NRXN2: variants seen among roughly 807,000 people sequenced by gnomAD.
NRXN2 encodes neurexin 2.
NRXN2 carries 29 observed loss-of-function variants against 128.8 expected under a neutral mutation model. That is an observed-to-expected ratio of 0.23 (90% confidence interval 0.17 to 0.31). The LOEUF is 0.31. Among genes scored for constraint, NRXN2 ranks in the 10% least tolerant of loss-of-function variants. The pLI is 1.00. For missense variants in NRXN2, 1,881 were observed against 2,452.6 expected (o/e 0.77, Z 4.92); for synonymous variants, 1,098 against 1,075.2 (o/e 1.02, Z -0.41).
In NRXN2 at chr11:64,713,406, C is replaced by G. The variant is rs1191222652; in HGVS notation, c.294G>C (p.Pro98=). ...RLRFTLSCAE[P]ATLQLDTPVA... ...CCGGCGTGTCCAGCTGCAGCGTGGC[C>G]GGCTCGGCGCACGAAAGCGTGAAGC... is the stretch of plus-strand genomic sequence containing the variant. The change falls in exon 2 of 23, where the codon CCG becomes CCC. Residue 98 remains proline, a synonymous_variant. Coordinates refer to ENST00000265459, the MANE Select transcript of NRXN2 (RefSeq NM_015080.4). 6.7e-7 allele frequency: 1 copy of G among 1,487,292 alleles called. No homozygotes were observed. The highest frequency in any genetic ancestry group is 2.8e-5 in the East Asian group (1 of 35,194). 92.1% of individuals were successfully genotyped at this position (1,487,292 alleles called of 1,614,324 possible). A position where few individuals can be genotyped will look rare whatever the true frequency, so the allele number is the denominator to read the frequency against.
chr11:64,712,713 A>G, intron 2 of NRXN2: 1 of 643,590 alleles, frequency 1.6e-6, no homozygotes, highest in South Asian at 1.5e-5. Context: ...CTGACCACAC[A>G]GGCTGCCCAC....
chr11:64,664,472 C>A (rs1172173517), intron 9 of NRXN2, among the ~76,000 whole-genome samples: 1 of 139,234 alleles, frequency 7.2e-6, no homozygotes, highest in Non-Finnish European at 1.5e-5. Context: ...GAGCGAAACT[C>A]CGTGTCAAAA....
At chr11:64,670,296 G>A (rs1054023220) in intron 7 of NRXN2, among the ~76,000 whole-genome samples, 25 of 152,112 alleles carry the variant, frequency 1.6e-4, no homozygotes, top group African/African-American at 3.6e-4. Context: ...GGTCATTATC[G>A]TTTATTTCTT....
In NRXN2 at chr11:64,661,044, G is replaced by A. The variant is rs2048960202; in HGVS notation, c.1894C>T (p.Pro632Ser). 6.2e-7 allele frequency: 1 copy of A among 1,613,388 alleles called. No homozygotes were observed. The highest frequency in any genetic ancestry group is 8.5e-7 in the Non-Finnish European group (1 of 1,180,022). The stretch of plus-strand genomic sequence containing the variant: ...GGCAGGTCCACCCGGCCCCCCTCAG[G>A]GAGACCGCCCAGGTACAGCTCACTC... ...LESELYLGGL[P>S]EGGRVDLPLP... is the part of the protein sequence containing the mutation. Residue 632 changes from proline (P) to serine (S), a missense_variant, in exon 10 of 23, where the codon CCT becomes TCT. Coordinates refer to ENST00000265459, the MANE Select transcript of NRXN2 (RefSeq NM_015080.4).
In NRXN2 at chr11:64,607,577, C is replaced by T; in HGVS notation, c.4758G>A (p.Thr1586=). ...ENPPLGPGAP[T]SFEPRRPPPL... is the part of the protein sequence containing the mutation. The stretch of plus-strand genomic sequence containing the variant: ...GAGGGGGCCTCCGCGGCTCAAAGGA[C>T]GTGGGGGCCCCGGGCCCCAAGGGCG... The change falls in exon 23 of 23, where the codon ACG becomes ACA. Residue 1586 remains threonine, a synonymous_variant. Coordinates refer to ENST00000265459, the MANE Select transcript of NRXN2 (RefSeq NM_015080.4). The T allele has an allele frequency of 3.9e-6, 6 of 1,534,028 alleles. No individual in the cohort carries two copies. Among genetic ancestry groups the T allele is most frequent in the African/African-American group, 1.4e-5 (1 of 72,314 alleles).
At chr11:64,663,810 G>A (rs2049391919) in intron 9 of NRXN2, among the ~76,000 whole-genome samples, 1 of 152,218 alleles carries the variant, frequency 6.6e-6, no homozygotes, top group Admixed American at 6.5e-5. Context: ...CCAACAGATA[G>A]ATGGATAAAT....
Position 64,607,138 on chromosome 11 carries a change from C to T in NRXN2, c.*58G>A, listed in dbSNP as rs1591420689. On this transcript the variant is annotated 3_prime_UTR_variant, in exon 23 of 23. Coordinates refer to ENST00000265459, the MANE Select transcript of NRXN2 (RefSeq NM_015080.4). ...GGCCCCTGGCAGGGAGAGGGTGGCACCCTCCTCCCGGGCCCTCCCAGGAGG... is the reference window on the plus strand; with the variant it reads ...GGCCCCTGGCAGGGAGAGGGTGGCATCCTCCTCCCGGGCCCTCCCAGGAGG... 1 of 1,571,790 alleles carries T rather than the reference C, an allele frequency of 6.4e-7. No homozygotes were observed. Among genetic ancestry groups the T allele is most frequent in the East Asian group, 2.3e-5 (1 of 44,140 alleles).
intron 17 of NRXN2, among the ~76,000 whole-genome samples, chr11:64,639,444 A>G (rs181859651): frequency 3.5e-4 from 53 of 152,278 alleles, no homozygotes; most frequent in African/African-American, 1.2e-3. Flanking sequence ...CTGACTCAGA[A>G]ATTAGCAGGG....
At position 64,608,074 on chromosome 11, in the gene NRXN2, A is replaced by C; in HGVS notation, c.4261T>G (p.Leu1421Val). 6.3e-7 allele frequency: 1 copy of C among 1,584,830 alleles called. No homozygotes were observed. The highest frequency in any genetic ancestry group is 8.5e-7 in the Non-Finnish European group (1 of 1,173,754). Reference sequence around the variant, plus strand: ...TCCTCCGTGATAATGGGCAATATTAACTCTCCTCCTAGAACAAGAGAGAGA... The same window carrying C: ...TCCTCCGTGATAATGGGCAATATTACCTCTCCTCCTAGAACAAGAGAGAGA... The part of the protein sequence containing the change: ...EECEPSTGGE[L>V]ILPIITEDSL... Residue 1421 changes from leucine (L) to valine (V), a missense_variant, in exon 23 of 23, where the codon TTA becomes GTA. Transcript: ENST00000265459.
At chr11:64,650,747 G>A in intron 14 of NRXN2, 109 bp from the exon 15 acceptor site, 2 of 1,056,818 alleles carry the variant, frequency 1.9e-6, no homozygotes, top group Non-Finnish European at 2.9e-6. Flanking sequence ...TGGGAAGAGG[G>A]ATTGAAAGGG....
At chr11:64,676,055 GCCT>G (rs1391976588) in intron 7 of NRXN2, 1 of 152,592 alleles carries the variant, frequency 6.6e-6, no homozygotes, top group Non-Finnish European at 1.5e-5. Context: ...ACCCCTGCAG[GCCT>G]CCTCCTCTCG....
chr11:64,716,229 A>G (rs908072171), intron 1 of NRXN2, among the ~76,000 whole-genome samples: 1 of 152,134 alleles, frequency 6.6e-6, no homozygotes, highest in South Asian at 2.1e-4. Flanking sequence ...CGGAGGGAAA[A>G]GGATTTCGTG....
At position 64,606,970 on chromosome 11, in the gene NRXN2, T is replaced by A; in HGVS notation, c.*226A>T. Reference sequence around the variant, plus strand: ...GTGCCCTGCCTGGCAGGCGCAGAGCTGAGAGGGACAGTCAGCCCCGGGACT... The same window carrying A: ...GTGCCCTGCCTGGCAGGCGCAGAGCAGAGAGGGACAGTCAGCCCCGGGACT... On this transcript the variant is annotated 3_prime_UTR_variant, in exon 23 of 23. Coordinates refer to ENST00000265459, the MANE Select transcript of NRXN2 (RefSeq NM_015080.4). The A allele has an allele frequency of 3.5e-6, 2 of 572,034 alleles. No homozygotes were observed. The highest frequency in any genetic ancestry group is 3.1e-6 in the Non-Finnish European group (1 of 321,056). 35.4% of individuals were successfully genotyped at this position (572,034 alleles called of 1,614,324 possible).
intron 8 of NRXN2, 87 bp downstream of exon 8, chr11:64,668,356 C>T: frequency 6.5e-7 from 1 of 1,548,226 alleles, no homozygotes. Context: ...ATGACCCAGA[C>T]AACTAGCCAG....
Position 64,660,213 on chromosome 11 carries a change from C to G in NRXN2, c.2389+119G>C, listed in dbSNP as rs1055777108. 3 of 1,190,064 alleles carry G rather than the reference C, an allele frequency of 2.5e-6. No individual in the cohort carries two copies. The highest frequency in any genetic ancestry group is 3.0e-5 in the African/African-American group (2 of 66,754). The allele number at this position is 1,190,064 out of a possible 1,614,324, so 73.7% of individuals were successfully genotyped here. On this transcript the variant is annotated intron_variant, in intron 11 of 22. Transcript: ENST00000265459. This position sits in a 1 kb window ranked among gnomAD's most constrained non-coding sequence, Gnocchi z 5.2. ...GACCCAGGCTGGCGCCTCCCCACCTCCAAACTCTGCTGAGGGCACCTCTTG... is the reference window on the plus strand; with the variant it reads ...GACCCAGGCTGGCGCCTCCCCACCTGCAAACTCTGCTGAGGGCACCTCTTG...
Position 64,635,475 on chromosome 11 carries a change from A to G in NRXN2, c.3404-23T>C, listed in dbSNP as rs188646006. The G allele has an allele frequency of 7.7e-5, 125 of 1,613,042 alleles. No individual in the cohort carries two copies. The East Asian group carries it at 2.7e-3, about 35-fold the overall frequency. On this transcript the variant is annotated intron_variant, in intron 17 of 22. Transcript: ENST00000265459. This position sits in a 1 kb window ranked among gnomAD's most constrained non-coding sequence, Gnocchi z 4.8. The stretch of plus-strand genomic sequence containing the variant: ...CGGCTGCAGAGAGAAGGAAAGGGAG[A>G]CAAGAAGAAATGACATCAGGAGGAC...
rs774855693 is a variant in NRXN2, at chr11:64,607,817, G to A, written c.4518C>T (p.Pro1506=). 6.2e-7 allele frequency: 1 copy of A among 1,601,988 alleles called. No individual in the cohort carries two copies. ...TGTAAAAGTCCTCGTCGTCCGTGGG[G>A]GGGAGGCTGGAGTCAAAGACCTCCC... The part of the protein sequence containing the change: ...ASGEVFDSSL[P]PTDDEDFYTT... The change falls in exon 23 of 23, where the codon CCC becomes CCT. Residue 1506 remains proline, a synonymous_variant. Transcript: ENST00000265459.
chr11:64,618,267 C>T (rs999818894), intron 22 of NRXN2, among the ~76,000 whole-genome samples: 3 of 152,172 alleles, frequency 2.0e-5, no homozygotes, highest in African/African-American at 7.2e-5. Context: ...CAGAGTATGG[C>T]CCAGGTGGGA....
chr11:64,671,895 G>A (rs1010484873), intron 7 of NRXN2, among the ~76,000 whole-genome samples: 3 of 151,812 alleles, frequency 2.0e-5, no homozygotes, highest in Admixed American at 1.3e-4. Flanking sequence ...CACCAACCCC[G>A]AGACACACCT....
Sources: gnomAD v4.1 joint callset for allele counts (sites outside exome capture counted in the v4.1 genomes callset) on GRCh38, gnomAD v4.1.1 for gene constraint, Gnocchi (gnomAD v3.1) non-coding constraint, MANE v1.5 for transcripts, NCBI Gene and HGNC (gene_info 2026-07-23, HGNC 2026-07-21) for gene names.